Variants in ERP44 observed in about 807,000 individuals in gnomAD.
The protein encoded by ERP44 is endoplasmic reticulum resident protein 44.
In ERP44, 25 loss-of-function variants were observed where a neutral mutation model predicts 53.4. That is an observed-to-expected ratio of 0.47 (90% CI 0.34 to 0.65). The LOEUF is 0.65. Ranked by LOEUF, ERP44 falls within the 30% of genes least tolerant of loss-of-function variation. ERP44 has a pLI of 0.01. For missense variants in ERP44, 338 were observed against 493.2 expected (o/e 0.69, Z 2.98); for synonymous variants, 145 against 161.2 (o/e 0.90, Z 0.76).
chr9:100,060,183 A>T lies in ERP44; in HGVS notation c.58-11T>A, dbSNP rs1344082077. 2.0e-6 allele frequency: 3 copies of T among 1,489,970 alleles called. No homozygotes were observed. Among genetic ancestry groups the T allele is most frequent in the East Asian group, 2.5e-5 (1 of 40,248 alleles). 92.3% of individuals were successfully genotyped at this position (1,489,970 alleles called of 1,614,324 possible). ...AAAAACCCAAGTTACCTGAAAATTT[A>T]AAAAATGAGAAATTAATAAATGTGT... On this transcript the variant is annotated splice_polypyrimidine_tract_variant and intron_variant, in intron 1 of 11. Coordinates refer to ENST00000262455, the MANE Select transcript of ERP44 (RefSeq NM_015051.3).
intron 1 of ERP44, among the ~76,000 whole-genome samples, chr9:100,077,588 T>C (rs1826371808): frequency 6.6e-6 from 1 of 152,224 alleles, no homozygotes; most frequent in Non-Finnish European, 1.5e-5. Flanking sequence ...TTGCTTTGTG[T>C]TCCCACAACA....
intron 1 of ERP44, among the ~76,000 whole-genome samples, chr9:100,097,698 C>T (rs1030904620): frequency 6.6e-6 from 1 of 152,030 alleles, no homozygotes; most frequent in African/African-American, 2.4e-5. Context: ...CGAAAAGGTC[C>T]AAGTGACAAA....
intron 4 of ERP44, among the ~76,000 whole-genome samples, chr9:100,039,797 C>T (rs1036660632): frequency 7.9e-5 from 12 of 151,648 alleles, no homozygotes; most frequent in African/African-American, 2.2e-4. Flanking sequence ...AAAAAAAGAG[C>T]GAAGACCTAA....
In ERP44 at chr9:100,028,146, C is replaced by T. The variant is rs139512710; in HGVS notation, c.287-5920G>A. Among the ~76,000 whole-genome samples the T allele has an allele frequency of 2.8e-4, 43 of 152,312 alleles. No homozygotes were observed. In the East Asian group the frequency reaches 8.1e-3, roughly 29 times the overall value. On this transcript the variant is annotated intron_variant, in intron 4 of 11. Transcript: ENST00000262455. Reference sequence around the variant, plus strand: ...GTAAGGTTCGAGTTGCACTGGAAGACAGGTAAGAGTAACTCAGGTATATGG... The same window carrying T: ...GTAAGGTTCGAGTTGCACTGGAAGATAGGTAAGAGTAACTCAGGTATATGG...
At chr9:100,094,044 C>A (rs1007418661) in intron 1 of ERP44, among the ~76,000 whole-genome samples, 2 of 152,186 alleles carry the variant, frequency 1.3e-5, no homozygotes. Flanking sequence ...AAATCTATCT[C>A]AAAGATACAC....
At chr9:99,992,921 A>G (rs547790660) in intron 10 of ERP44, among the ~76,000 whole-genome samples, 51 of 152,334 alleles carry the variant, frequency 3.3e-4, no homozygotes, top group African/African-American at 1.1e-3. Flanking sequence ...CAACTGCTAC[A>G]AAGAGAATAA....
intron 8 of ERP44, 109 bp downstream of exon 8, chr9:100,016,213 T>C (rs1564090357): frequency 4.1e-5 from 60 of 1,465,786 alleles, no homozygotes; most frequent in Non-Finnish European, 4.8e-5. Context: ...ATGTTCACTA[T>C]ATGATTCTTA....
rs1826580072 is a variant in ERP44 at position 100,093,119 on chromosome 9, T to C, written c.57+5665A>G. Among the ~76,000 whole-genome samples the C allele has an allele frequency of 2.6e-5, 4 of 152,180 alleles. No individual in the cohort carries two copies. In the South Asian group the frequency reaches 8.3e-4, roughly 31 times the overall value. ...GTAACCAAAATGTCTTAACAAATAA[T>C]GAAGTAAGCTACAGTGCATTTAAAG... is the stretch of plus-strand genomic sequence containing the variant. On this transcript the variant is annotated intron_variant, in intron 1 of 11. Transcript: ENST00000262455.
chr9:100,088,353 G>A (rs887859872), intron 1 of ERP44, among the ~76,000 whole-genome samples: 3 of 152,132 alleles, frequency 2.0e-5, no homozygotes, highest in African/African-American at 7.2e-5. Context: ...ATATGCCTGG[G>A]ACACTCCCAC....
At chr9:100,079,127 T>C (rs917733032) in intron 1 of ERP44, among the ~76,000 whole-genome samples, 6 of 152,100 alleles carry the variant, frequency 3.9e-5, no homozygotes, top group African/African-American at 1.4e-4. Flanking sequence ...TCTGAGTCAG[T>C]GGGCTGGGAA....
chr9:99,998,655 CTT>C, intron 10 of ERP44: 1 of 766,928 alleles, frequency 1.3e-6, no homozygotes, highest in Non-Finnish European at 2.4e-6. Flanking sequence ...TCCCTGTGCT[CTT>C]TGTCACTGCT....
chr9:100,021,318 G>T (rs1466857280), intron 5 of ERP44, among the ~76,000 whole-genome samples: 1 of 152,230 alleles, frequency 6.6e-6, no homozygotes, highest in Admixed American at 6.5e-5. Flanking sequence ...GCATGTGCAG[G>T]TATCCATCTG....
At chr9:100,043,760 G>GA (rs905786710) in intron 4 of ERP44, among the ~76,000 whole-genome samples, 53 of 138,308 alleles carry the variant, frequency 3.8e-4, no homozygotes, top group Admixed American at 6.4e-4. Context: ...GTCTCAAACA[G>GA]AAAAAAAAAA....
rs540220276 is a variant in ERP44, at chr9:100,054,956, A to G, written c.171-2424T>C. On this transcript the variant is annotated intron_variant, in intron 3 of 11. Transcript: ENST00000262455. ...TAGTGCTTAAATCAATCCTTAACAAATCTACCAAATAGATAAGTCTTTGCA... is the reference window on the plus strand; with the variant it reads ...TAGTGCTTAAATCAATCCTTAACAAGTCTACCAAATAGATAAGTCTTTGCA... 3.2e-4 allele frequency among the ~76,000 whole-genome samples: 48 copies of G among 152,274 alleles called. 1 individual carries two copies. The South Asian group carries it at 4.1e-3, about 13-fold the overall frequency.
chr9:100,032,027 G>C (rs144026027), intron 4 of ERP44, among the ~76,000 whole-genome samples: 239 of 152,288 alleles, frequency 1.6e-3, no homozygotes, highest in Middle Eastern at 6.8e-3. Flanking sequence ...TTGGATTAGA[G>C]AAGCATGCTC....
At chr9:100,000,911 T>G (rs887011270) in intron 10 of ERP44, among the ~76,000 whole-genome samples, 1 of 152,162 alleles carries the variant, frequency 6.6e-6, no homozygotes, top group East Asian at 1.9e-4. Flanking sequence ...TGGTTTGTTC[T>G]TTTTCTAGTT....
At chr9:100,061,732 A>G (rs956849303) in intron 1 of ERP44, among the ~76,000 whole-genome samples, 8 of 151,756 alleles carry the variant, frequency 5.3e-5, no homozygotes, top group African/African-American at 1.9e-4. Flanking sequence ...GTTAGCAACC[A>G]ATAAATTATA....
At chr9:100,007,736 G>A (rs1176136829) in intron 8 of ERP44, 47 bp from the exon 9 acceptor site, 3 of 1,014,720 alleles carry the variant, frequency 3.0e-6, no homozygotes, top group East Asian at 4.7e-5. Context: ...TCTCCATTCA[G>A]TTGTAGCTAT....
chr9:100,058,394 A>G (rs1360376503), intron 2 of ERP44, among the ~76,000 whole-genome samples: 1 of 152,220 alleles, frequency 6.6e-6, no homozygotes, highest in Non-Finnish European at 1.5e-5. Flanking sequence ...TGCATCTTAA[A>G]TGAATTTAAA....
Sources: allele counts gnomAD v4.1 joint callset (sites outside exome capture counted in the v4.1 genomes callset), GRCh38; gene constraint gnomAD v4.1.1; transcripts MANE v1.5; gene names NCBI Gene and HGNC (gene_info 2026-07-23, HGNC 2026-07-21).